SLC12A8: variants seen among roughly 807,000 people sequenced by gnomAD.
SLC12A8 encodes cation-chloride cotransporter 9.
Under a neutral mutation model 75.6 loss-of-function variants are expected in SLC12A8, and 69 were observed. The observed-to-expected ratio is 0.91, with a 90% CI of 0.75 to 1.11. SLC12A8 has a LOEUF of 1.11. Among genes scored for constraint, SLC12A8 ranks in the 50% most tolerant of loss-of-function variants. The pLI is 0.00. For synonymous variants in SLC12A8, 365 were observed against 372.8 expected (o/e 0.98, Z 0.24); for missense variants, 877 against 896.7 (o/e 0.98, Z 0.28).
At chr3:125,092,719 G>A (rs980369638) in intron 10 of SLC12A8, among the ~76,000 whole-genome samples, 3 of 152,148 alleles carry the variant, frequency 2.0e-5, no homozygotes, top group Non-Finnish European at 2.9e-5. Context: ...TCCTTCCTCT[G>A]GCAATTGAAA....
chr3:125,182,385 T>C (rs998644776), intron 4 of SLC12A8, among the ~76,000 whole-genome samples: 19 of 152,236 alleles, frequency 1.2e-4, no homozygotes, highest in Admixed American at 8.5e-4. Context: ...TTATGGTATA[T>C]TTATACTATA....
intron 10 of SLC12A8, among the ~76,000 whole-genome samples, chr3:125,101,195 G>A (rs1465319726): frequency 6.6e-6 from 1 of 152,172 alleles, no homozygotes; most frequent in Admixed American, 6.5e-5. Flanking sequence ...CTCCTATCAT[G>A]AGCAAGTGTT....
At chr3:125,190,269 C>T (rs2107795972) in intron 3 of SLC12A8, 106 bp downstream of exon 3, 1 of 1,225,494 alleles carries the variant, frequency 8.2e-7, no homozygotes, top group Non-Finnish European at 1.2e-6. Context: ...GTTTCAGGAG[C>T]ATCTGTGCTT....
intron 12 of SLC12A8, among the ~76,000 whole-genome samples, chr3:125,090,403 G>T (rs1289545996): frequency 6.6e-6 from 1 of 152,076 alleles, no homozygotes; most frequent in Non-Finnish European, 1.5e-5. Context: ...TGCTGTTTTG[G>T]GGTAGAATGT....
chr3:125,146,788 C>CG (rs1560067351), intron 5 of SLC12A8, among the ~76,000 whole-genome samples: 1 of 152,252 alleles, frequency 6.6e-6, no homozygotes, highest in African/African-American at 2.4e-5. Context: ...TACAGGCTGA[C>CG]GCCACCATGC....
intron 5 of SLC12A8, among the ~76,000 whole-genome samples, chr3:125,172,243 C>T (rs954138550): frequency 1.3e-5 from 2 of 150,874 alleles, no homozygotes; most frequent in African/African-American, 2.4e-5. Context: ...CACTGCACTC[C>T]GGCCTGGGTG....
At chr3:125,186,522 C>T (rs1295022966) in intron 4 of SLC12A8, among the ~76,000 whole-genome samples, 2 of 152,332 alleles carry the variant, frequency 1.3e-5, no homozygotes, top group East Asian at 1.9e-4. Flanking sequence ...CACCCACCAC[C>T]ATTTGCACTC....
At chr3:125,153,576 T>A (rs1282750595) in intron 5 of SLC12A8, among the ~76,000 whole-genome samples, 1 of 152,228 alleles carries the variant, frequency 6.6e-6, no homozygotes, top group Admixed American at 6.5e-5. Context: ...TCGCACTAAG[T>A]TCTGCCCCTG....
intron 9 of SLC12A8, among the ~76,000 whole-genome samples, chr3:125,109,241 C>A (rs577884813): frequency 6.6e-6 from 1 of 152,330 alleles, no homozygotes; most frequent in African/African-American, 2.4e-5. Flanking sequence ...TGTACTCCCT[C>A]CCTTGGTGAG....
At chr3:125,190,777 A>T (rs1251395232) in intron 2 of SLC12A8, among the ~76,000 whole-genome samples, 2 of 152,236 alleles carry the variant, frequency 1.3e-5, no homozygotes, top group Admixed American at 6.5e-5. Flanking sequence ...CATATGTAGC[A>T]GAGACTCATT....
chr3:125,083,842 C>G lies in SLC12A8; in HGVS notation c.*48G>C. The G allele has an allele frequency of 6.4e-7, 1 of 1,571,046 alleles. No homozygotes were observed. Among genetic ancestry groups the G allele is most frequent in the East Asian group, 2.3e-5 (1 of 42,882 alleles). On this transcript the variant is annotated 3_prime_UTR_variant, in exon 14 of 14. Transcript: ENST00000469902. ...CTCCACGAAGGTCCTGAGCTTGGGT[C>G]CACTGTACATGGGACAGCTCCAAAA...
Position 125,089,410 on chromosome 3 carries a change from T to C in SLC12A8, c.1922-1040A>G, listed in dbSNP as rs114881545. Among the ~76,000 whole-genome samples, 857 of 152,310 alleles carry C rather than the reference T, an allele frequency of 5.6e-3. 8 individuals carry two copies. The highest frequency in any genetic ancestry group is 0.019 in the African/African-American group (781 of 41,568). On this transcript the variant is annotated intron_variant, in intron 12 of 13. Transcript: ENST00000469902. ...TTTTAGATGGACATTGGCCTGAAAT[T>C]TGATTTCATGTTTTCCTATGAATAG...
At chr3:125,120,903 G>A in intron 6 of SLC12A8, 1 of 695,184 alleles carries the variant, frequency 1.4e-6, no homozygotes, top group East Asian at 2.7e-5. Flanking sequence ...GTTGGAGGAG[G>A]CTCAGGAGGA....
At chr3:125,182,336 T>A (rs1431322356) in intron 4 of SLC12A8, among the ~76,000 whole-genome samples, 4 of 151,394 alleles carry the variant, frequency 2.6e-5, no homozygotes, top group Non-Finnish European at 4.4e-5. Context: ...CAAAAAAAAT[T>A]AAAAAAAGAA....
intron 13 of SLC12A8, among the ~76,000 whole-genome samples, chr3:125,087,804 A>G (rs1312001352): frequency 6.6e-6 from 1 of 152,128 alleles, no homozygotes; most frequent in Non-Finnish European, 1.5e-5. Context: ...CCTTTCCTGT[A>G]TATCTGACCA....
rs2981483 is a variant in SLC12A8, at chr3:125,084,037, A to C, written c.1998T>G (p.Pro666=). 1.2e-6 allele frequency: 2 copies of C among 1,606,976 alleles called. No individual in the cohort carries two copies. Among genetic ancestry groups the C allele is most frequent in the African/African-American group, 2.7e-5 (2 of 74,604 alleles). Residue 666 remains proline, a synonymous_variant, in exon 14 of 14, where the codon CCT becomes CCG. Coordinates refer to ENST00000469902, the MANE Select transcript of SLC12A8 (RefSeq NM_024628.6). ...ACGGCGCCAAGATGATCTGCTCCTGAGGGGACCGCAAGCTCCTGCAGTGAG... is the reference window on the plus strand; with the variant it reads ...ACGGCGCCAAGATGATCTGCTCCTGCGGGGACCGCAAGCTCCTGCAGTGAG... ...LLPSCRSLRS[P]QEQIILAPSL...
intron 5 of SLC12A8, among the ~76,000 whole-genome samples, chr3:125,176,958 A>T (rs1410540939): frequency 1.3e-5 from 2 of 151,978 alleles, no homozygotes; most frequent in African/African-American, 2.4e-5. Context: ...CATTTGACCC[A>T]GCCATCCCAT....
intron 2 of SLC12A8, among the ~76,000 whole-genome samples, chr3:125,201,702 G>GAAAAA (rs141256499): frequency 1.0e-5 from 1 of 95,572 alleles, no homozygotes; most frequent in Non-Finnish European, 2.2e-5. Context: ...AGCCATGATT[G>GAAAAA]AAAAAAAAAA....
At chr3:125,196,250 C>T (rs573995577) in intron 2 of SLC12A8, among the ~76,000 whole-genome samples, 137 of 152,244 alleles carry the variant, frequency 9.0e-4, no homozygotes, top group African/African-American at 3.0e-3. Flanking sequence ...AAATGAATGA[C>T]GTAACCATAC....
Sources: gnomAD v4.1 joint callset for allele counts (sites outside exome capture counted in the v4.1 genomes callset) on GRCh38, gnomAD v4.1.1 for gene constraint, MANE v1.5 for transcripts, NCBI Gene and HGNC (gene_info 2026-07-23, HGNC 2026-07-21) for gene names.